The following ENOX1 variants were observed in gnomAD, a reference collection of about 807,000 sequenced individuals.
ENOX1 encodes the protein candidate growth-related and time keeping constitutive hydroquinone (NADH) oxidase.
ENOX1 carries 42 observed loss-of-function variants against 82.5 expected under a neutral mutation model. The observed-to-expected ratio is 0.51, with a 90% CI of 0.40 to 0.66. The LOEUF is 0.66. Among genes scored for constraint, ENOX1 ranks in the 30% least tolerant of loss-of-function variants. The pLI, the probability that ENOX1 is intolerant of heterozygous loss-of-function variation, is 0.00. For synonymous variants in ENOX1, 271 were observed against 282.2 expected (o/e 0.96, Z 0.40); for missense variants, 608 against 811.6 (o/e 0.75, Z 3.05).
intron 2 of ENOX1, among the ~76,000 whole-genome samples, chr13:43,500,494 TA>T: frequency 6.6e-6 from 1 of 152,154 alleles, no homozygotes; most frequent in East Asian, 1.9e-4. Context: ...AAATGTCCTT[TA>T]AAAATGCATG....
chr13:43,419,348 C>T (rs1566175370), intron 3 of ENOX1, among the ~76,000 whole-genome samples: 2 of 151,834 alleles, frequency 1.3e-5, no homozygotes, highest in Non-Finnish European at 2.9e-5. Context: ...AGTTTGAGAC[C>T]AGGCTGGGCA....
At chr13:43,322,250 G>C in intron 11 of ENOX1, 134 bp downstream of exon 11, 1 of 620,838 alleles carries the variant, frequency 1.6e-6, no homozygotes, top group South Asian at 2.5e-5. Flanking sequence ...TTAATAAAAA[G>C]CAGAGTCACT....
At chr13:43,445,304 T>C (rs1259888529) in intron 3 of ENOX1, among the ~76,000 whole-genome samples, 1 of 152,012 alleles carries the variant, frequency 6.6e-6, no homozygotes, top group Admixed American at 6.5e-5. Context: ...TTTGTATTTT[T>C]AGTAGAGATG....
chr13:43,599,910 C>T (rs1395828438), intron 2 of ENOX1, among the ~76,000 whole-genome samples: 1 of 151,780 alleles, frequency 6.6e-6, no homozygotes, highest in Non-Finnish European at 1.5e-5. Flanking sequence ...GCCCTAGCAC[C>T]TGAATGACAT....
At chr13:43,351,483 A>T (rs1594090965) in intron 8 of ENOX1, among the ~76,000 whole-genome samples, 3 of 149,462 alleles carry the variant, frequency 2.0e-5, no homozygotes, top group Admixed American at 2.0e-4. Context: ...TGTGCAGGTT[A>T]GTTACATATG....
intron 8 of ENOX1, among the ~76,000 whole-genome samples, chr13:43,352,507 T>C (rs1027529830): frequency 6.6e-6 from 1 of 152,234 alleles, no homozygotes; most frequent in Non-Finnish European, 1.5e-5. Context: ...CTCATCTGCC[T>C]GGTTGCCACT....
At chr13:43,507,078 C>CA (rs2077200122) in intron 2 of ENOX1, among the ~76,000 whole-genome samples, 1 of 151,706 alleles carries the variant, frequency 6.6e-6, no homozygotes, top group Non-Finnish European at 1.5e-5. Flanking sequence ...AAGAAATAAT[C>CA]AGACAATTAT....
chr13:43,713,344 T>C, intron 1 of ENOX1, among the ~76,000 whole-genome samples: 1 of 152,248 alleles, frequency 6.6e-6, no homozygotes, highest in Admixed American at 6.5e-5. Flanking sequence ...TTTGCATCAA[T>C]GTTCATCAAG....
intron 1 of ENOX1, among the ~76,000 whole-genome samples, chr13:43,671,465 C>T (rs887602821): frequency 2.0e-5 from 3 of 152,156 alleles, no homozygotes; most frequent in South Asian, 2.1e-4. Context: ...AGAAAGCAAA[C>T]AAAAGTTCTC....
At chr13:43,236,354 T>C (rs2042551496) in intron 15 of ENOX1, among the ~76,000 whole-genome samples, 2 of 152,206 alleles carry the variant, frequency 1.3e-5, no homozygotes, top group South Asian at 4.1e-4. Flanking sequence ...ATGCCCAAGC[T>C]TTGAAATTCA....
At chr13:43,310,755 T>A (rs888578492) in intron 11 of ENOX1, among the ~76,000 whole-genome samples, 12 of 152,054 alleles carry the variant, frequency 7.9e-5, no homozygotes, top group Non-Finnish European at 2.9e-5. Context: ...TAAATCAACA[T>A]ATAGTTTATC....
At chr13:43,581,150 T>TTTTTTTA in intron 2 of ENOX1, among the ~76,000 whole-genome samples, 1 of 139,232 alleles carries the variant, frequency 7.2e-6, no homozygotes, top group Non-Finnish European at 1.5e-5. Flanking sequence ...TTTTTTTTTT[T>TTTTTTTA]GAGACGGAGT....
chr13:43,369,372 G>A (rs2051063683), intron 5 of ENOX1, among the ~76,000 whole-genome samples: 1 of 152,136 alleles, frequency 6.6e-6, no homozygotes, highest in Non-Finnish European at 1.5e-5. Flanking sequence ...TATTAATGGT[G>A]GTCTCTATCT....
At chr13:43,423,452 G>A (rs1283550993) in intron 3 of ENOX1, among the ~76,000 whole-genome samples, 1 of 152,198 alleles carries the variant, frequency 6.6e-6, no homozygotes, top group Non-Finnish European at 1.5e-5. Context: ...CAGGTTCATA[G>A]AGTAATTCAT....
intron 3 of ENOX1, among the ~76,000 whole-genome samples, chr13:43,421,787 C>A (rs2153607207): frequency 6.6e-6 from 1 of 151,750 alleles, no homozygotes; most frequent in Middle Eastern, 3.4e-3. Flanking sequence ...GCATACCCTG[C>A]AGCTAGCAAG....
chr13:43,598,819 CCAAGGAGCA>C (rs1194492084), intron 2 of ENOX1, among the ~76,000 whole-genome samples: 2 of 151,494 alleles, frequency 1.3e-5, no homozygotes, highest in Non-Finnish European at 1.5e-5. Flanking sequence ...TTTTTAGGAT[CCAAGGAGCA>C]GTTTAACAGA....
At chr13:43,466,547 T>TCAGAA (rs2057730130) in intron 3 of ENOX1, among the ~76,000 whole-genome samples, 1 of 152,182 alleles carries the variant, frequency 6.6e-6, no homozygotes, top group Non-Finnish European at 1.5e-5. Flanking sequence ...ATGGTATATT[T>TCAGAA]TGTATAAAAA....
chr13:43,459,735 T>C (rs1425987479), intron 3 of ENOX1, among the ~76,000 whole-genome samples: 1 of 152,240 alleles, frequency 6.6e-6, no homozygotes, highest in Non-Finnish European at 1.5e-5. Context: ...GGCTCCCACC[T>C]GTAATCCCAG....
intron 16 of ENOX1, among the ~76,000 whole-genome samples, chr13:43,215,331 TA>T (rs1364506966): frequency 6.6e-6 from 1 of 152,252 alleles, no homozygotes; most frequent in Non-Finnish European, 1.5e-5. Flanking sequence ...CATTGTATTC[TA>T]AAATTTTTGG....
Sources: allele counts gnomAD v4.1 joint callset (sites outside exome capture counted in the v4.1 genomes callset), GRCh38; gene constraint gnomAD v4.1.1; transcripts MANE v1.5; gene names NCBI Gene and HGNC (gene_info 2026-07-23, HGNC 2026-07-21).